The following FBXL20 variants were observed in gnomAD, a reference collection of about 807,000 sequenced individuals.
FBXL20 encodes F-box/LRR-repeat protein 20.
FBXL20 carries 11 observed loss-of-function variants against 64.0 expected under a neutral mutation model. The ratio of observed to expected loss-of-function variants is 0.17; its 90% confidence interval spans 0.11 to 0.28. The LOEUF (loss-of-function observed/expected upper bound fraction) is 0.28, where lower values mean the gene tolerates loss of function less well. FBXL20 is among the 10% of genes least tolerant of loss of function. The pLI is 1.00. For missense variants in FBXL20, 303 were observed against 526.2 expected, an observed-to-expected ratio of 0.58 and a Z score of 4.15; for synonymous variants, 184 against 189.0, an observed-to-expected ratio of 0.97 and a Z score of 0.22.
At chr17:39,323,779 T>TG (rs1405512352) in intron 2 of FBXL20, among the ~76,000 whole-genome samples, 1 of 67,138 alleles carries the variant, frequency 1.5e-5, no homozygotes, top group Non-Finnish European at 2.8e-5. Context: ...TTCTGTTTTC[T>TG]TTTTTTTTTT....
intron 6 of FBXL20, among the ~76,000 whole-genome samples, chr17:39,286,055 T>G (rs929712872): frequency 2.0e-5 from 3 of 152,326 alleles, no homozygotes; most frequent in Admixed American, 1.3e-4. Flanking sequence ...GATGGACTGG[T>G]CTGGTATTGG....
intron 2 of FBXL20, among the ~76,000 whole-genome samples, chr17:39,339,876 G>A (rs1322688619): frequency 6.6e-6 from 1 of 151,736 alleles, no homozygotes; most frequent in African/African-American, 2.4e-5. Flanking sequence ...TTGATCTCCT[G>A]ACCTCGTGAT....
intron 2 of FBXL20, among the ~76,000 whole-genome samples, chr17:39,305,004 TG>T (rs1215355822): frequency 2.0e-5 from 3 of 151,980 alleles, no homozygotes; most frequent in Admixed American, 6.6e-5. Flanking sequence ...TTATCCGCCC[TG>T]TCTCAGCCTC....
At chr17:39,331,219 G>A (rs1020089645) in intron 2 of FBXL20, among the ~76,000 whole-genome samples, 6 of 152,166 alleles carry the variant, frequency 3.9e-5, no homozygotes, top group African/African-American at 1.4e-4. Flanking sequence ...TTCTGCCTCA[G>A]CCTCCCAAGT....
intron 1 of FBXL20, among the ~76,000 whole-genome samples, chr17:39,363,165 C>A (rs942531969): frequency 1.3e-5 from 2 of 152,032 alleles, no homozygotes; most frequent in Non-Finnish European, 2.9e-5. Flanking sequence ...CATGTGCCAC[C>A]ACACCCAGCT....
chr17:39,343,382 A>T, intron 1 of FBXL20, 141 bp from the exon 2 acceptor site: 2 of 539,930 alleles, frequency 3.7e-6, no homozygotes, highest in East Asian at 3.2e-5. Flanking sequence ...TAATTTTGGA[A>T]ACTCTTTAAG....
intron 12 of FBXL20, among the ~76,000 whole-genome samples, chr17:39,265,662 A>G (rs1033066463): frequency 6.6e-6 from 1 of 151,794 alleles, no homozygotes; most frequent in African/African-American, 2.4e-5. Context: ...ACAAGCCACC[A>G]GGACTAATTT....
chr17:39,297,315 A>G (rs2047095046), intron 5 of FBXL20, 120 bp from the exon 6 acceptor site: 2 of 525,986 alleles, frequency 3.8e-6, no homozygotes, highest in African/African-American at 1.9e-5. Context: ...ATACTGTGAT[A>G]TAAAGGAAAA....
chr17:39,352,262 G>A (rs2047694341), intron 1 of FBXL20, among the ~76,000 whole-genome samples: 1 of 152,136 alleles, frequency 6.6e-6, no homozygotes, highest in Admixed American at 6.6e-5. Context: ...AGGCACAGTG[G>A]TGTGTGCCGG....
chr17:39,297,443 T>TGAGCAG, intron 5 of FBXL20: 1 of 258,796 alleles, frequency 3.9e-6, no homozygotes, highest in African/African-American at 2.2e-5. Context: ...GTTTTTGCCA[T>TGAGCAG]TACTGCTCAT....
rs559701839 is a variant in FBXL20, at chr17:39,260,820, A to G, written c.*640T>C. 5 of 155,144 alleles carry G rather than the reference A, an allele frequency of 3.2e-5. No individual in the cohort carries two copies. The highest frequency in any genetic ancestry group is 9.6e-5 in the African/African-American group (4 of 41,586). The allele number at this position is 155,144 out of a possible 1,614,324, so 9.6% of individuals were successfully genotyped here. ...ACAGACAGTGATAATTTGAGTGTGT[A>G]AGAATTACATTTGGACCACAGTGAT... On this transcript the variant is annotated 3_prime_UTR_variant, in exon 15 of 15. Coordinates refer to ENST00000264658, the MANE Select transcript of FBXL20 (RefSeq NM_032875.3).
intron 1 of FBXL20, among the ~76,000 whole-genome samples, chr17:39,371,024 G>A (rs1169623678): frequency 1.3e-5 from 2 of 151,852 alleles, no homozygotes; most frequent in Non-Finnish European, 2.9e-5. Context: ...TTCGAGACCA[G>A]CCTGACCACC....
intron 2 of FBXL20, among the ~76,000 whole-genome samples, chr17:39,314,946 C>T (rs554660687): frequency 6.6e-6 from 1 of 151,926 alleles, no homozygotes; most frequent in Non-Finnish European, 1.5e-5. Context: ...TACAGGTGTA[C>T]ACTACCACAC....
At chr17:39,375,947 G>A (rs997849946) in intron 1 of FBXL20, among the ~76,000 whole-genome samples, 5 of 151,892 alleles carry the variant, frequency 3.3e-5, no homozygotes, top group Non-Finnish European at 5.9e-5. Context: ...GTGAAACCCC[G>A]TCTCTACTAA....
chr17:39,276,267 G>A (rs2046892329), intron 9 of FBXL20, among the ~76,000 whole-genome samples: 3 of 136,886 alleles, frequency 2.2e-5, no homozygotes, highest in South Asian at 2.5e-4. Context: ...AAGGGAGGAA[G>A]AGAGGGAAAG....
intron 12 of FBXL20, among the ~76,000 whole-genome samples, chr17:39,266,327 C>A (rs1181494061): frequency 6.6e-6 from 1 of 151,310 alleles, no homozygotes; most frequent in African/African-American, 2.4e-5. Context: ...TCAAGCGATT[C>A]TCCTGCCTCA....
chr17:39,291,431 C>CTT (rs907454529), intron 6 of FBXL20, among the ~76,000 whole-genome samples: 82 of 110,486 alleles, frequency 7.4e-4, no homozygotes, highest in African/African-American at 1.4e-3. Flanking sequence ...TAAAACTTTT[C>CTT]TTTTTTTTTT....
chr17:39,377,625 T>C (rs1272888146), intron 1 of FBXL20, among the ~76,000 whole-genome samples: 3 of 151,240 alleles, frequency 2.0e-5, no homozygotes, highest in Non-Finnish European at 4.4e-5. Context: ...CTCAGCCTCC[T>C]GAGTAGCTGG....
intron 2 of FBXL20, among the ~76,000 whole-genome samples, chr17:39,333,431 T>G (rs2047484652): frequency 6.6e-6 from 1 of 152,158 alleles, no homozygotes; most frequent in Non-Finnish European, 1.5e-5. Context: ...GCAGACAGAG[T>G]GTCGCTCATT....
Sources: allele counts gnomAD v4.1 joint callset (sites outside exome capture counted in the v4.1 genomes callset), GRCh38; gene constraint gnomAD v4.1.1; transcripts MANE v1.5; gene names NCBI Gene and HGNC (gene_info 2026-07-23, HGNC 2026-07-21).